Variants in TLR7 observed in about 807,000 individuals in gnomAD.
TLR7 encodes toll-like receptor 7.
Under a neutral mutation model 38.3 loss-of-function variants are expected in TLR7, and 12 were observed. The observed-to-expected ratio is 0.31, with a 90% CI of 0.20 to 0.51. The LOEUF (loss-of-function observed/expected upper bound fraction) is 0.51. Among genes scored for constraint, TLR7 ranks in the 20% least tolerant of loss-of-function variants. TLR7 has a pLI of 0.98. For synonymous variants in TLR7, 285 were observed against 293.8 expected, an observed-to-expected ratio of 0.97 and a Z score of 0.31; for missense variants, 504 against 743.4, an observed-to-expected ratio of 0.68 and a Z score of 3.74.
At chrX:12,871,582 G>A (rs2042852881) in intron 2 of TLR7, among the ~76,000 whole-genome samples, 3 of 111,898 alleles carry the variant, frequency 2.7e-5, no homozygotes, top group Non-Finnish European at 5.6e-5. Flanking sequence ...AAAGCCCCTC[G>A]CTCACACGTC....
At chrX:12,879,074 T>C (rs1324887674) in intron 2 of TLR7, among the ~76,000 whole-genome samples, 1 of 111,997 alleles carries the variant, frequency 8.9e-6, no homozygotes, top group Non-Finnish European at 1.9e-5. Flanking sequence ...AATGGCTAAC[T>C]TCAGTCCTAT....
At chrX:12,882,786 C>T (rs772837845) in intron 2 of TLR7, among the ~76,000 whole-genome samples, 7 of 112,016 alleles carry the variant, frequency 6.2e-5, no homozygotes, top group South Asian at 3.7e-4. Context: ...TCCTCGGAAA[C>T]GCAGTATGAG....
chrX:12,888,595 A>G lies in TLR7; in HGVS notation c.3087A>G (p.Leu1029=), dbSNP rs5741881. ...CTCACCCATACTTCTGGCAGTGTCT[A>G]AAGAACGCCCTGGCCACAGACAATC... ...PQAHPYFWQC[L]KNALATDNHV... Residue 1029 remains leucine, a synonymous_variant, in exon 3 of 3, where the codon CTA becomes CTG. Transcript: ENST00000380659. The G allele has an allele frequency of 0.011, 13,798 of 1,209,543 alleles. 968 individuals are homozygous for G. The African/African-American group carries it at 0.21, about 19-fold the overall frequency.
chrX:12,874,045 C>A (rs905861314), intron 2 of TLR7, among the ~76,000 whole-genome samples: 1 of 112,597 alleles, frequency 8.9e-6, no homozygotes, highest in East Asian at 2.8e-4. Flanking sequence ...TAAGGCCGGG[C>A]GTAGTGGCTC....
chrX:12,876,660 G>T (rs1228088787), intron 2 of TLR7, among the ~76,000 whole-genome samples: 2 of 112,307 alleles, frequency 1.8e-5, no homozygotes, highest in African/African-American at 3.2e-5. Flanking sequence ...ATCATGGTCT[G>T]ATGGCTGTCC....
chrX:12,876,741 A>G (rs5743751), intron 2 of TLR7, among the ~76,000 whole-genome samples: 1,257 of 112,274 alleles, frequency 0.011, 22 homozygotes, highest in African/African-American at 0.039. Flanking sequence ...ACCTGTGTGT[A>G]TGAAATCACC....
rs180743037 is a variant in TLR7 at position 12,881,592 on chromosome X, A to G, written c.4-3920A>G. The stretch of plus-strand genomic sequence containing the variant: ...TAAATAATAAATAACTGAGTTATTT[A>G]TTCTTTTTTTTTTAATAATTCCACT... On this transcript the variant is annotated intron_variant, in intron 2 of 2. Coordinates refer to ENST00000380659, the MANE Select transcript of TLR7 (RefSeq NM_016562.4). Among the ~76,000 whole-genome samples, 142 of 108,014 alleles carry G rather than the reference A, an allele frequency of 1.3e-3. 1 individual carries two copies. Among genetic ancestry groups the G allele is most frequent in the African/African-American group, 4.5e-3 (135 of 29,760 alleles). The allele number at this position is 108,014 out of a possible 115,157, so 93.8% of individuals were successfully genotyped here.
intron 2 of TLR7, among the ~76,000 whole-genome samples, chrX:12,882,135 G>A (rs2042894629): frequency 8.9e-6 from 1 of 111,937 alleles, no homozygotes; most frequent in Admixed American, 9.5e-5. Flanking sequence ...CTGATATGTG[G>A]TAAAGGAGGG....
Position 12,887,989 on chromosome X carries a change from C to T in TLR7, c.2481C>T (p.Ser827=), listed in dbSNP as rs200713714. ...PGAHKGQSVI[S]LDLYTCELDL... is the part of the protein sequence containing the mutation. ...CACACAAGGGCCAAAGTGTGATCTC[C>T]CTGGATCTGTACACCTGTGAGTTAG... The change falls in exon 3 of 3, where the codon TCC becomes TCT. Residue 827 remains serine (S), a synonymous_variant. Transcript: ENST00000380659. 5 of 1,209,447 alleles carry T rather than the reference C, an allele frequency of 4.1e-6. No homozygotes were observed. Among genetic ancestry groups the T allele is most frequent in the Non-Finnish European group, 3.4e-6 (3 of 894,807 alleles).
At chrX:12,867,278 A>G (rs1008378964) in intron 1 of TLR7, among the ~76,000 whole-genome samples, 155 bp downstream of exon 1, 3 of 112,612 alleles carry the variant, frequency 2.7e-5, no homozygotes, top group South Asian at 7.2e-4. Context: ...TAAAATGTCA[A>G]TTCTTCAAAG....
At chrX:12,875,519 C>A (rs1317550266) in intron 2 of TLR7, among the ~76,000 whole-genome samples, 1 of 112,109 alleles carries the variant, frequency 8.9e-6, no homozygotes, top group African/African-American at 3.2e-5. Context: ...GCTGTGTCCC[C>A]ACCTAAATCT....
intron 2 of TLR7, among the ~76,000 whole-genome samples, chrX:12,872,349 G>T (rs866141730): frequency 6.3e-5 from 7 of 111,648 alleles, no homozygotes; most frequent in Non-Finnish European, 1.1e-4. Flanking sequence ...ACTGCGACTG[G>T]AATCACCTGA....
At chrX:12,867,775 G>T (rs1428288190) in intron 2 of TLR7, among the ~76,000 whole-genome samples, 194 bp downstream of exon 2, 2 of 112,590 alleles carry the variant, frequency 1.8e-5, no homozygotes, top group Non-Finnish European at 3.7e-5. Flanking sequence ...CGCTTGCTCT[G>T]TTCAACTTCC....
At chrX:12,870,823 A>G (rs145603774) in intron 2 of TLR7, among the ~76,000 whole-genome samples, 1,165 of 112,563 alleles carry the variant, frequency 0.01, 21 homozygotes, top group African/African-American at 0.036. Flanking sequence ...TACGATGGCA[A>G]ACTATTCAAG....
rs2042844813 is a variant in TLR7, at chrX:12,869,476, C to G, written c.3+1895C>G. Among the ~76,000 whole-genome samples, 5 of 111,139 alleles carry G rather than the reference C, an allele frequency of 4.5e-5. No homozygotes were observed. In the South Asian group the frequency reaches 1.9e-3, roughly 42 times the overall value. ...GCTGGAAGCCATTATCCTCAGCAAA[C>G]TAACACAGGAACAAAAAACCAAACA... On this transcript the variant is annotated intron_variant, in intron 2 of 2. Coordinates refer to ENST00000380659, the MANE Select transcript of TLR7 (RefSeq NM_016562.4).
chrX:12,885,470 G>T (rs201446603), intron 2 of TLR7, 42 bp from the exon 3 acceptor site: 1 of 1,085,209 alleles, frequency 9.2e-7, no homozygotes, highest in Non-Finnish European at 1.2e-6. Flanking sequence ...CTGATTCTTG[G>T]TATGTTTTAG....
intron 2 of TLR7, among the ~76,000 whole-genome samples, chrX:12,872,616 C>T (rs1360367285): frequency 9.0e-6 from 1 of 110,727 alleles, no homozygotes; most frequent in Non-Finnish European, 1.9e-5. Context: ...GCTGTATTGC[C>T]TGTGAACTAC....
In TLR7 at chrX:12,886,355, G is replaced by C; in HGVS notation, c.847G>C (p.Val283Leu). ...AAATAATTCTCCCCTACAGATCCCT[G>C]TAAATGCTTTTGATGCGCTGACAGA... ...CKNNSPLQIP[V>L]NAFDALTELK... The change falls in exon 3 of 3, where the codon GTA (valine) becomes CTA (leucine). Residue 283 changes from valine (V) to leucine (L), a missense_variant. Physicochemically the swap from Val to Leu is conservative, Grantham distance 32. Transcript: ENST00000380659. The C allele has an allele frequency of 8.3e-7, 1 of 1,211,775 alleles. No homozygotes were observed. Among genetic ancestry groups the C allele is most frequent in the Non-Finnish European group, 1.1e-6 (1 of 895,526 alleles).
At position 12,890,278 on chromosome X, in the gene TLR7, G is replaced by A. The variant is rs199579708; in HGVS notation, c.*1620G>A. 8.9e-6 allele frequency: 1 copy of A among 112,445 alleles called. No homozygotes were observed. Among genetic ancestry groups the A allele is most frequent in the Admixed American group, 9.4e-5 (1 of 10,657 alleles). 9.3% of individuals were successfully genotyped at this position (112,445 alleles called of 1,213,427 possible). On this transcript the variant is annotated 3_prime_UTR_variant, in exon 3 of 3. Coordinates refer to ENST00000380659, the MANE Select transcript of TLR7 (RefSeq NM_016562.4). ...ACACACTATATGAATTATTTCCAAC[G>A]TACATTTAATCAATAAGGGTCACAA...
Sources: allele counts gnomAD v4.1 joint callset (sites outside exome capture counted in the v4.1 genomes callset), GRCh38; gene constraint gnomAD v4.1.1; transcripts MANE v1.5; gene names NCBI Gene and HGNC (gene_info 2026-07-23, HGNC 2026-07-21).